DPH6: variants seen among roughly 807,000 people sequenced by gnomAD.
DPH6 encodes the protein diphthamine biosynthesis 6, also known as diphthine--ammonia ligase.
A neutral mutation model predicts 38.2 loss-of-function variants in DPH6; 33 were observed. That is an observed-to-expected ratio of 0.86 (90% CI 0.65 to 1.15). The LOEUF (loss-of-function observed/expected upper bound fraction) is 1.15. DPH6 is among the 50% of genes most tolerant of loss of function. The probability of loss-of-function intolerance (pLI) is 0.00; values close to 1 mark genes in which losing one functional copy is unlikely to be tolerated. For synonymous variants in DPH6, 108 were observed against 103.0 expected, an observed-to-expected ratio of 1.05 and a Z score of -0.30; for missense variants, 325 against 320.0, an observed-to-expected ratio of 1.02 and a Z score of -0.12.
chr15:35,489,314 AG>A, intron 3 of DPH6: 1 of 984,326 alleles, frequency 1.0e-6, no homozygotes, highest in Non-Finnish European at 1.2e-6. Flanking sequence ...AAAGAGAAGC[AG>A]TGATGAGAAA....
the DPH6 span, among the ~76,000 whole-genome samples, chr15:35,175,297 T>C: frequency 3.3e-5 from 5 of 152,220 alleles, no homozygotes; most frequent in Non-Finnish European, 7.3e-5. Context: ...CCACTCACTC[T>C]CGACTTTGAG....
At chr15:35,340,366 A>G (rs1426658971) in intron 3 of DPH6, among the ~76,000 whole-genome samples, 2 of 152,190 alleles carry the variant, frequency 1.3e-5, no homozygotes, top group Non-Finnish European at 2.9e-5. Context: ...TAGGGTATTT[A>G]GCCCATTTAC....
Position 35,271,729 on chromosome 15 carries a change from G to A in DPH6, n.201-51147C>T, listed in dbSNP as rs1219163085. Among the ~76,000 whole-genome samples the A allele has an allele frequency of 5.3e-5, 8 of 152,168 alleles. 1 individual carries two copies. Among genetic ancestry groups the A allele is most frequent in the Admixed American group, 4.6e-4 (7 of 15,274 alleles). On this transcript the variant is annotated intron_variant and non_coding_transcript_variant, in intron 3 of 3. Coordinates refer to the DPH6 transcript ENST00000560386. ...GAGAATTGAAACATGGAATCTCTGG[G>A]GCTGAGGGCTGGGGATGTTTCTCCC...
chr15:35,482,905 C>G (rs1429909936), intron 3 of DPH6, among the ~76,000 whole-genome samples: 2 of 151,876 alleles, frequency 1.3e-5, no homozygotes, highest in East Asian at 3.9e-4. Context: ...AAGCCATGAA[C>G]TGAAACAGTT....
intron 3 of DPH6, among the ~76,000 whole-genome samples, chr15:35,318,101 A>G (rs2052209294): frequency 6.6e-6 from 1 of 152,074 alleles, no homozygotes; most frequent in South Asian, 2.1e-4. Flanking sequence ...TAAAACCCAA[A>G]TATTTCCAAA....
At chr15:35,291,921 T>C (rs1408163164) in intron 3 of DPH6, among the ~76,000 whole-genome samples, 2 of 152,156 alleles carry the variant, frequency 1.3e-5, no homozygotes, top group African/African-American at 4.8e-5. Flanking sequence ...CTTCTTTTGC[T>C]ATTTTGTTCA....
the DPH6 span, among the ~76,000 whole-genome samples, chr15:35,202,837 A>T: frequency 1.1e-4 from 16 of 151,694 alleles, no homozygotes; most frequent in Admixed American, 7.9e-4. Flanking sequence ...TTATTTTTTA[A>T]ACATGAGAGG....
chr15:35,498,503 G>A (rs1459421556), intron 3 of DPH6, among the ~76,000 whole-genome samples: 1 of 152,020 alleles, frequency 6.6e-6, no homozygotes, highest in Non-Finnish European at 1.5e-5. Context: ...AGGATATCCA[G>A]GATTCTTCCA....
intron 3 of DPH6, among the ~76,000 whole-genome samples, chr15:35,363,046 T>C (rs2052627072): frequency 6.6e-6 from 1 of 152,210 alleles, no homozygotes; most frequent in Admixed American, 6.5e-5. Context: ...TGTAGACTTG[T>C]ATTATGGCCC....
chr15:35,150,029 G>A, the DPH6 span, among the ~76,000 whole-genome samples: 1 of 152,182 alleles, frequency 6.6e-6, no homozygotes, highest in African/African-American at 2.4e-5. Flanking sequence ...TCTCTTGAAT[G>A]TAGAATACCT....
At chr15:35,315,795 G>A (rs552037119) in intron 3 of DPH6, among the ~76,000 whole-genome samples, 109 of 152,244 alleles carry the variant, frequency 7.2e-4, no homozygotes, top group African/African-American at 2.3e-3. Flanking sequence ...ACCTAAGTGT[G>A]TATGAACAGA....
chr15:35,191,128 T>C, the DPH6 span, among the ~76,000 whole-genome samples: 2 of 152,240 alleles, frequency 1.3e-5, no homozygotes, highest in African/African-American at 4.8e-5. Context: ...CCATCAATCA[T>C]TGTTTAATGA....
intron 6 of DPH6, among the ~76,000 whole-genome samples, chr15:35,386,529 T>C (rs1476863348): frequency 6.6e-6 from 1 of 152,214 alleles, no homozygotes; most frequent in African/African-American, 2.4e-5. Context: ...TTTTTAATGA[T>C]CGCCATTCTA....
chr15:35,367,981 T>C (rs2140915278), downstream of DPH6, among the ~76,000 whole-genome samples: 1 of 152,016 alleles, frequency 6.6e-6, no homozygotes, highest in African/African-American at 2.4e-5. Context: ...TAAAAAGTTC[T>C]TATTAGAACT....
chr15:35,489,552 T>C (rs2141169205), intron 3 of DPH6: 1 of 983,212 alleles, frequency 1.0e-6, no homozygotes, highest in East Asian at 1.1e-4. Flanking sequence ...AGTCTATATC[T>C]TTCTCATGTT....
chr15:35,478,210 T>C (rs2054283911), intron 3 of DPH6, among the ~76,000 whole-genome samples: 1 of 151,924 alleles, frequency 6.6e-6, no homozygotes, highest in Non-Finnish European at 1.5e-5. Flanking sequence ...GTGTAAAGGT[T>C]ACTGATAAGC....
At chr15:35,424,481 T>G (rs1023958709) in intron 5 of DPH6, among the ~76,000 whole-genome samples, 2 of 151,526 alleles carry the variant, frequency 1.3e-5, no homozygotes, top group African/African-American at 2.4e-5. Flanking sequence ...CTTTTCAATA[T>G]GTATGATATT....
chr15:35,180,786 C>G, the DPH6 span, among the ~76,000 whole-genome samples: 1 of 151,942 alleles, frequency 6.6e-6, no homozygotes, highest in East Asian at 1.9e-4. Context: ...CCATGCCTGC[C>G]CTACTTTACT....
intron 3 of DPH6, among the ~76,000 whole-genome samples, chr15:35,495,138 A>C (rs1419994466): frequency 6.6e-6 from 1 of 152,180 alleles, no homozygotes; most frequent in Admixed American, 6.6e-5. Context: ...TCATATGTTG[A>C]AGTTCTAAAC....
Sources: gnomAD v4.1 joint callset for allele counts (sites outside exome capture counted in the v4.1 genomes callset) on GRCh38, gnomAD v4.1.1 for gene constraint, MANE v1.5 for transcripts, NCBI Gene and HGNC (gene_info 2026-07-23, HGNC 2026-07-21) for gene names.